The following INPP4B variants were observed in gnomAD, a reference collection of about 807,000 sequenced individuals.
INPP4B encodes the protein inositol polyphosphate 4-phosphatase type II.
Under a neutral mutation model 122.5 loss-of-function variants are expected in INPP4B, and 55 were observed. That is an observed-to-expected ratio of 0.45 (90% CI 0.36 to 0.56). INPP4B has a LOEUF of 0.56. Among genes scored for constraint, INPP4B ranks in the 20% least tolerant of loss-of-function variants. INPP4B has a pLI of 0.00. For synonymous variants in INPP4B, 403 were observed against 388.7 expected, an observed-to-expected ratio of 1.04 and a Z score of -0.43; for missense variants, 1,000 against 1,097.7, an observed-to-expected ratio of 0.91 and a Z score of 1.26.
intron 5 of INPP4B, among the ~76,000 whole-genome samples, chr4:142,424,033 C>T (rs1262741517): frequency 2.6e-5 from 4 of 151,922 alleles, no homozygotes; most frequent in Non-Finnish European, 5.9e-5. Flanking sequence ...GAGCTTTCAT[C>T]TTGTTCCAAA....
rs993976679 is a variant in INPP4B, at chr4:142,449,536, T to C, written c.-127+13127A>G. On this transcript the variant is annotated intron_variant, in intron 3 of 25. Transcript: ENST00000262992. ...GGCCAACATGGTGAAACCCTGTTTC[T>C]ACTAAAAATACAAAAATTAGCTGGG... 4.6e-5 allele frequency among the ~76,000 whole-genome samples: 7 copies of C among 151,886 alleles called. No homozygotes were observed. In the East Asian group the frequency reaches 1.4e-3, roughly 29 times the overall value.
intron 2 of INPP4B, among the ~76,000 whole-genome samples, chr4:142,579,069 C>A (rs1338607129): frequency 6.6e-6 from 1 of 151,936 alleles, no homozygotes; most frequent in African/African-American, 2.4e-5. Context: ...TTGTATTGAA[C>A]ATCTGCGTTC....
intron 8 of INPP4B, among the ~76,000 whole-genome samples, chr4:142,310,146 A>G (rs35599682): frequency 0.011 from 1,674 of 151,892 alleles, 12 homozygotes; most frequent in Middle Eastern, 0.024. Flanking sequence ...TTTATATTAC[A>G]ATTTGCATGG....
intron 22 of INPP4B, among the ~76,000 whole-genome samples, chr4:142,109,654 G>T (rs1788995266): frequency 6.6e-6 from 1 of 152,092 alleles, no homozygotes; most frequent in Non-Finnish European, 1.5e-5. Context: ...TTTAAAGCCT[G>T]GCTCATCTCC....
At chr4:142,261,172 G>A (rs551389755) in intron 10 of INPP4B, among the ~76,000 whole-genome samples, 1 of 152,168 alleles carries the variant, frequency 6.6e-6, no homozygotes, top group Admixed American at 6.5e-5. Context: ...AGATACAGAA[G>A]AGCACATGGA....
chr4:142,734,470 ATGT>A (rs1393576043), intron 1 of INPP4B, among the ~76,000 whole-genome samples: 1 of 152,160 alleles, frequency 6.6e-6, no homozygotes, highest in Non-Finnish European at 1.5e-5. Context: ...TGTGCACCAA[ATGT>A]TGTTTCTTGA....
chr4:142,317,401 G>T, intron 7 of INPP4B: 1 of 312,112 alleles, frequency 3.2e-6, no homozygotes, highest in South Asian at 3.5e-5. Context: ...ATGATGTTGG[G>T]AGATGTAGAA....
intron 25 of INPP4B, among the ~76,000 whole-genome samples, chr4:142,067,354 A>G (rs1349185831): frequency 1.3e-5 from 2 of 152,186 alleles, no homozygotes; most frequent in Admixed American, 6.5e-5. Flanking sequence ...AAGGTAGATA[A>G]AACCACAAAG....
chr4:142,343,906 A>C (rs1779467723), intron 7 of INPP4B, among the ~76,000 whole-genome samples: 1 of 152,102 alleles, frequency 6.6e-6, no homozygotes, highest in South Asian at 2.1e-4. Context: ...GCCACTATAT[A>C]AATTCAACAC....
chr4:142,513,417 T>C (rs1386380913), intron 2 of INPP4B, among the ~76,000 whole-genome samples: 4 of 152,022 alleles, frequency 2.6e-5, no homozygotes, highest in African/African-American at 9.7e-5. Flanking sequence ...CTCTCTCTTT[T>C]TTTTTTTGAG....
At chr4:142,100,978 C>A (rs943064299) in intron 23 of INPP4B, among the ~76,000 whole-genome samples, 30 of 151,980 alleles carry the variant, frequency 2.0e-4, no homozygotes, top group Non-Finnish European at 7.4e-5. Flanking sequence ...TACTGTAGAA[C>A]CTAGGAAATA....
chr4:142,069,076 T>C (rs938940470), intron 25 of INPP4B, among the ~76,000 whole-genome samples: 1 of 152,084 alleles, frequency 6.6e-6, no homozygotes, highest in Non-Finnish European at 1.5e-5. Flanking sequence ...GACCACAGAG[T>C]TGGAAGTAAA....
intron 1 of INPP4B, among the ~76,000 whole-genome samples, chr4:142,820,786 G>C (rs1780707718): frequency 6.6e-6 from 1 of 152,114 alleles, no homozygotes; most frequent in South Asian, 2.1e-4. Flanking sequence ...TATTGTAACA[G>C]TTTCTCCCTT....
intron 1 of INPP4B, among the ~76,000 whole-genome samples, chr4:142,757,594 G>GA (rs1561035944): frequency 6.6e-6 from 1 of 152,050 alleles, no homozygotes; most frequent in Non-Finnish European, 1.5e-5. Context: ...CTTCCTCCGT[G>GA]TCTTTTTCTA....
intron 18 of INPP4B, among the ~76,000 whole-genome samples, chr4:142,145,374 T>C (rs1406412953): frequency 6.6e-6 from 1 of 152,154 alleles, no homozygotes; most frequent in Non-Finnish European, 1.5e-5. Flanking sequence ...TCTTCCCATA[T>C]GTTTTGGAGA....
intron 1 of INPP4B, among the ~76,000 whole-genome samples, chr4:142,809,478 A>T (rs893531347): frequency 1.8e-4 from 28 of 152,210 alleles, no homozygotes; most frequent in African/African-American, 6.5e-4. Flanking sequence ...TCAATATTGT[A>T]TTTAAGACAA....
At chr4:142,390,482 T>C (rs1427682324) in intron 7 of INPP4B, among the ~76,000 whole-genome samples, 1 of 152,200 alleles carries the variant, frequency 6.6e-6, no homozygotes. Flanking sequence ...ACATATTTGA[T>C]AGGCTTCCCA....
chr4:142,552,943 C>T (rs935434606), intron 2 of INPP4B, among the ~76,000 whole-genome samples: 2 of 152,158 alleles, frequency 1.3e-5, no homozygotes, highest in African/African-American at 4.8e-5. Context: ...ACCAAAATAG[C>T]TTTTGTTTTG....
intron 2 of INPP4B, among the ~76,000 whole-genome samples, chr4:142,724,984 C>G (rs78474294): frequency 0.025 from 3,755 of 152,072 alleles, 58 homozygotes; most frequent in Middle Eastern, 0.095. Flanking sequence ...CATGAACATA[C>G]AGTGTCATCA....
Sources: gnomAD v4.1 joint callset for allele counts (sites outside exome capture counted in the v4.1 genomes callset) on GRCh38, gnomAD v4.1.1 for gene constraint, MANE v1.5 for transcripts, NCBI Gene and HGNC (gene_info 2026-07-23, HGNC 2026-07-21) for gene names.